Variants in CRLS1 observed in about 807,000 individuals in gnomAD.
The protein encoded by CRLS1 is cardiolipin synthase (CMP-forming).
In CRLS1, 24 loss-of-function variants were observed where a neutral mutation model predicts 37.0. The observed-to-expected ratio is 0.65, with a 90% CI of 0.47 to 0.91. The LOEUF (loss-of-function observed/expected upper bound fraction) is 0.91. Among genes scored for constraint, CRLS1 ranks in the 40% least tolerant of loss-of-function variants. CRLS1 has a pLI of 0.00. For synonymous variants in CRLS1, 135 were observed against 159.7 expected, an observed-to-expected ratio of 0.85 and a Z score of 1.17; for missense variants, 373 against 395.8, an observed-to-expected ratio of 0.94 and a Z score of 0.49.
intron 3 of CRLS1, among the ~76,000 whole-genome samples, chr20:6,029,111 A>T (rs1979945041): frequency 6.6e-6 from 1 of 150,598 alleles, no homozygotes; most frequent in South Asian, 2.1e-4. Context: ...TGACTTTTGG[A>T]TGGGCAGTCA....
In CRLS1 at chr20:6,027,251, T is replaced by C. The variant is rs563339318; in HGVS notation, c.575-4034T>C. ...GCCACCCACCACCATGCCTGGCTAATTTTTTGTATTTTTAGTAGAGACAGG... is the reference window on the plus strand; with the variant it reads ...GCCACCCACCACCATGCCTGGCTAACTTTTTGTATTTTTAGTAGAGACAGG... On this transcript the variant is annotated intron_variant, in intron 3 of 6. Coordinates refer to ENST00000378863, the MANE Select transcript of CRLS1 (RefSeq NM_019095.6). Among the ~76,000 whole-genome samples the C allele has an allele frequency of 3.0e-3, 453 of 151,354 alleles. 1 individual carries two copies. Among genetic ancestry groups the C allele is most frequent in the Middle Eastern group, 6.8e-3 (2 of 292 alleles).
chr20:6,010,846 A>G (rs1003290339), intron 2 of CRLS1, among the ~76,000 whole-genome samples: 1 of 152,170 alleles, frequency 6.6e-6, no homozygotes, highest in Non-Finnish European at 1.5e-5. Flanking sequence ...GCAAGAGCCT[A>G]TCTCTACAAA....
At chr20:6,035,063 G>A (rs150895175) in intron 6 of CRLS1, among the ~76,000 whole-genome samples, 8 of 152,266 alleles carry the variant, frequency 5.3e-5, no homozygotes, top group Non-Finnish European at 8.8e-5. Context: ...TCAAATTCAC[G>A]CTTTCAGAGT....
chr20:6,020,627 CT>C (rs918184731), intron 3 of CRLS1, among the ~76,000 whole-genome samples: 248 of 142,068 alleles, frequency 1.7e-3, no homozygotes, highest in Middle Eastern at 3.6e-3. Flanking sequence ...TTTAATCCTG[CT>C]TTTTTTTTTT....
chr20:6,029,660 C>T (rs1387183796), intron 3 of CRLS1, among the ~76,000 whole-genome samples: 5 of 152,178 alleles, frequency 3.3e-5, no homozygotes, highest in African/African-American at 4.8e-5. Context: ...TGCAGGTTTG[C>T]TGCATTTTAA....
intron 2 of CRLS1, among the ~76,000 whole-genome samples, chr20:6,011,254 C>T (rs563095396): frequency 4.6e-5 from 7 of 152,124 alleles, no homozygotes; most frequent in South Asian, 4.2e-4. Flanking sequence ...GAGTGAGAAT[C>T]GAGAGAAACT....
At position 6,023,083 on chromosome 20, in the gene CRLS1, C is replaced by A. The variant is rs539899936; in HGVS notation, c.574+7593C>A. Among the ~76,000 whole-genome samples the A allele has an allele frequency of 4.6e-5, 7 of 152,074 alleles. No homozygotes were observed. The South Asian group carries it at 1.5e-3, about 32-fold the overall frequency. ...GTAACTATAGAACTTCTATTTTATT[C>A]TTTTTTGGACTTGCTAAGTTGTCTT... On this transcript the variant is annotated intron_variant, in intron 3 of 6. Coordinates refer to ENST00000378863, the MANE Select transcript of CRLS1 (RefSeq NM_019095.6).
rs140207316 is a variant in CRLS1 at position 6,025,872 on chromosome 20, A to T, written c.575-5413A>T. On this transcript the variant is annotated intron_variant, in intron 3 of 6. Transcript: ENST00000378863. ...GAAGTGGAGCCTGAGGATGTGAGTG[A>T]ATTGCTGCAATCTCTTGATAAAAAT... is the stretch of plus-strand genomic sequence containing the variant. Among the ~76,000 whole-genome samples, 3 of 152,312 alleles carry T rather than the reference A, an allele frequency of 2.0e-5. No individual in the cohort carries two copies. In the East Asian group the frequency reaches 5.8e-4, roughly 29 times the overall value.
intron 4 of CRLS1, 148 bp downstream of exon 4, chr20:6,031,518 A>C (rs1222635376): frequency 1.7e-6 from 1 of 594,790 alleles, no homozygotes; most frequent in Non-Finnish European, 2.9e-6. Context: ...CAAATTCTTT[A>C]AAGGTGTTTC....
chr20:6,015,446 T>C lies in CRLS1; in HGVS notation c.530T>C (p.Ile177Thr), dbSNP rs761941118. ...GATCCACTTGCTGATAAAATACTTA[T>C]CAGTATCTTATATGTTAGCTTGACC... is the stretch of plus-strand genomic sequence containing the variant. The part of the protein sequence containing the change: ...ALDPLADKIL[I>T]SILYVSLTYA... The change falls in exon 3 of 7, where the codon ATC becomes ACC. Residue 177 changes from isoleucine (I) to threonine (T), a missense_variant. By Grantham distance (89) the Ile-to-Thr change is moderately conservative. Transcript: ENST00000378863. 14 of 1,613,084 alleles carry C rather than the reference T, an allele frequency of 8.7e-6. No homozygotes were observed. Among genetic ancestry groups the C allele is most frequent in the East Asian group, 2.2e-5 (1 of 44,826 alleles).
intron 3 of CRLS1, chr20:6,028,188 A>G (rs566642692): frequency 2.0e-5 from 3 of 152,294 alleles, no homozygotes; most frequent in Non-Finnish European, 4.4e-5. Flanking sequence ...GCAGGATTGG[A>G]GATCAAGAAA....
chr20:6,020,985 G>A (rs1173805145), intron 3 of CRLS1, among the ~76,000 whole-genome samples: 2 of 150,992 alleles, frequency 1.3e-5, no homozygotes, highest in Non-Finnish European at 2.9e-5. Context: ...TTTGCTTTTG[G>A]TTTGTTCAGC....
upstream of CRLS1, chr20:6,006,120 A>T: frequency 2.3e-6 from 1 of 444,152 alleles, no homozygotes; most frequent in Non-Finnish European, 3.6e-6. Context: ...GGGTGTGTAA[A>T]GTAGTATGGA....
Position 6,037,176 on chromosome 20 carries a change from T to TAACA in CRLS1, c.*18_*19insAACA. 1 of 1,582,402 alleles carries TAACA rather than the reference T, an allele frequency of 6.3e-7. No homozygotes were observed. Among genetic ancestry groups the TAACA allele is most frequent in the Non-Finnish European group, 8.7e-7 (1 of 1,151,842 alleles). On this transcript the variant is annotated 3_prime_UTR_variant, in exon 7 of 7. Coordinates refer to ENST00000378863, the MANE Select transcript of CRLS1 (RefSeq NM_019095.6). The stretch of plus-strand genomic sequence containing the variant: ...AAGACTGATGAAAGTCATCCCTCAC[T>TAACA]GTTAGTAAGGAAGCAGTATACATCA...
At chr20:6,013,997 G>C (rs1443787049) in intron 2 of CRLS1, among the ~76,000 whole-genome samples, 1 of 152,214 alleles carries the variant, frequency 6.6e-6, no homozygotes, top group Non-Finnish European at 1.5e-5. Context: ...GTCAGAAACT[G>C]AACTAAACCT....
intron 3 of CRLS1, 111 bp downstream of exon 3, chr20:6,015,601 A>G (rs1192704244): frequency 2.8e-6 from 3 of 1,061,698 alleles, no homozygotes; most frequent in East Asian, 2.5e-5. Flanking sequence ...ATAGTTTTCA[A>G]CTTTAAACTG....
intron 3 of CRLS1, among the ~76,000 whole-genome samples, chr20:6,016,209 G>A (rs1978735722): frequency 6.6e-6 from 1 of 152,114 alleles, no homozygotes; most frequent in South Asian, 2.1e-4. Context: ...AAGAAAGAAA[G>A]AAATTGTATC....
intron 3 of CRLS1, among the ~76,000 whole-genome samples, chr20:6,020,566 A>G (rs1600369467): frequency 6.6e-6 from 1 of 151,836 alleles, no homozygotes; most frequent in African/African-American, 2.4e-5. Flanking sequence ...ATGAATGTAT[A>G]TTCTGCAGTT....
At chr20:6,007,422 G>A in intron 1 of CRLS1, 1 of 1,612,770 alleles carries the variant, frequency 6.2e-7, no homozygotes, top group African/African-American at 1.3e-5. Flanking sequence ...TTATCTGGTT[G>A]AGTAATCTGA....
Sources: allele counts gnomAD v4.1 joint callset (sites outside exome capture counted in the v4.1 genomes callset), GRCh38; gene constraint gnomAD v4.1.1; transcripts MANE v1.5; gene names NCBI Gene and HGNC (gene_info 2026-07-23, HGNC 2026-07-21).